Variants in RAD51B observed in about 807,000 individuals in gnomAD.
RAD51B encodes the protein RAD51 paralog B.
Under a neutral mutation model 42.2 loss-of-function variants are expected in RAD51B, and 38 were observed. The observed-to-expected ratio is 0.90, with a 90% confidence interval of 0.70 to 1.18. The LOEUF (loss-of-function observed/expected upper bound fraction) is 1.18. Among genes scored for constraint, RAD51B ranks in the 50% most tolerant of loss-of-function variants. RAD51B has a pLI of 0.00. For missense variants in RAD51B, 373 were observed against 400.7 expected, an observed-to-expected ratio of 0.93 and a Z score of 0.59; for synonymous variants, 154 against 145.2, an observed-to-expected ratio of 1.06 and a Z score of -0.43.
chr14:68,616,926 A>G (rs1891837497), intron 10 of RAD51B, among the ~76,000 whole-genome samples: 1 of 151,532 alleles, frequency 6.6e-6, no homozygotes. Context: ...TGTCTTTTCC[A>G]CCACAAGAAG....
At chr14:68,221,084 C>G (rs181392540) in intron 7 of RAD51B, among the ~76,000 whole-genome samples, 1 of 152,096 alleles carries the variant, frequency 6.6e-6, no homozygotes, top group Non-Finnish European at 1.5e-5. Flanking sequence ...GCAGAGATCA[C>G]GCCACTGCAC....
intron 8 of RAD51B, among the ~76,000 whole-genome samples, chr14:68,355,593 T>C (rs546541658): frequency 2.0e-5 from 3 of 152,178 alleles, no homozygotes. Context: ...CAGCTGGAGA[T>C]TGGTTCAGTG....
At chr14:68,628,180 G>A (rs1006281434) in intron 10 of RAD51B, among the ~76,000 whole-genome samples, 1 of 152,230 alleles carries the variant, frequency 6.6e-6, no homozygotes, top group African/African-American at 2.4e-5. Flanking sequence ...GAAAATTTGG[G>A]TTCTCAAGTG....
intron 5 of RAD51B, among the ~76,000 whole-genome samples, chr14:67,872,471 C>A (rs1279183170): frequency 6.7e-6 from 1 of 148,226 alleles, no homozygotes; most frequent in Non-Finnish European, 1.5e-5. Context: ...ATTCCATGCT[C>A]ACGGGTAGGA....
intron 7 of RAD51B, among the ~76,000 whole-genome samples, chr14:68,215,189 G>A (rs2079788466): frequency 6.6e-6 from 1 of 152,140 alleles, no homozygotes; most frequent in Non-Finnish European, 1.5e-5. Flanking sequence ...TCTCAATAGG[G>A]AATGAGAAGA....
intron 3 of RAD51B, among the ~76,000 whole-genome samples, chr14:67,833,379 CA>C (rs1199118769): frequency 1.3e-5 from 2 of 150,918 alleles, no homozygotes; most frequent in African/African-American, 4.9e-5. Flanking sequence ...CTGTCTTGAA[CA>C]AAAAAAAGGA....
intron 10 of RAD51B, among the ~76,000 whole-genome samples, chr14:68,594,018 G>T (rs980551474): frequency 6.6e-6 from 1 of 152,192 alleles, no homozygotes; most frequent in Non-Finnish European, 1.5e-5. Flanking sequence ...GTGTATGTGG[G>T]CCTGTCAGGC....
intron 9 of RAD51B, chr14:68,422,227 G>A: frequency 1.1e-6 from 1 of 929,466 alleles, no homozygotes; most frequent in Admixed American, 1.7e-5. Context: ...CCTCAGCGGT[G>A]GCGTCCGCAG....
At chr14:68,032,055 A>T (rs1275581554) in intron 7 of RAD51B, among the ~76,000 whole-genome samples, 1 of 151,192 alleles carries the variant, frequency 6.6e-6, no homozygotes, top group African/African-American at 2.5e-5. Context: ...TTTGACTCAA[A>T]TTTGTGTCTG....
chr14:67,953,837 A>G (rs1319497668), intron 7 of RAD51B, among the ~76,000 whole-genome samples: 1 of 152,086 alleles, frequency 6.6e-6, no homozygotes, highest in African/African-American at 2.4e-5. Flanking sequence ...TGATTTGGGA[A>G]ATTAAGAAGA....
intron 10 of RAD51B, among the ~76,000 whole-genome samples, chr14:68,630,065 T>A (rs1452303721): frequency 6.6e-6 from 1 of 152,248 alleles, no homozygotes; most frequent in Non-Finnish European, 1.5e-5. Flanking sequence ...GGGAGGATTC[T>A]GACTCCACAG....
At chr14:68,562,779 G>T in intron 10 of RAD51B, 4 of 985,384 alleles carry the variant, frequency 4.1e-6, no homozygotes, top group Non-Finnish European at 4.8e-6. Flanking sequence ...TGCCATGCTA[G>T]ATACCCATCC....
intron 7 of RAD51B, among the ~76,000 whole-genome samples, chr14:68,083,676 A>C (rs1224587236): frequency 6.6e-6 from 1 of 152,162 alleles, no homozygotes; most frequent in African/African-American, 2.4e-5. Context: ...AAAATGGAGA[A>C]TATTTCATAT....
At chr14:68,615,313 C>A (rs1175717818), downstream of RAD51B, among the ~76,000 whole-genome samples, 1 of 152,086 alleles carries the variant, frequency 6.6e-6, no homozygotes, top group Non-Finnish European at 1.5e-5. Context: ...TTAGCAGGTA[C>A]AGAAACATTT....
chr14:67,960,803 G>A (rs973425152), intron 7 of RAD51B, among the ~76,000 whole-genome samples: 9 of 151,980 alleles, frequency 5.9e-5, no homozygotes, highest in African/African-American at 2.2e-4. Context: ...CAAGTAGCTG[G>A]AACAACAGGC....
rs965821237 is a variant in RAD51B at position 67,835,158 on chromosome 14, G to T, written c.277G>T (p.Ala93Ser). The stretch of plus-strand genomic sequence containing the variant: ...TACTACCCTTTCTGCTTTGGACGAA[G>T]CCCTGCATGGTGGTGTGGCTTGTGG... ...LSTTLSALDE[A>S]LHGGVACGSL... The change falls in exon 4 of 11, where the codon GCC (alanine) becomes TCC (serine). Residue 93 changes from alanine (A) to serine (S), a missense_variant. Ala to Ser is a moderately conservative substitution (Grantham distance 99). Coordinates refer to ENST00000471583, the MANE Select transcript of RAD51B (RefSeq NM_133510.4). The T allele has an allele frequency of 4.3e-6, 7 of 1,613,914 alleles. No homozygotes were observed. Among genetic ancestry groups the T allele is most frequent in the African/African-American group, 4.0e-5 (3 of 74,894 alleles).
intron 9 of RAD51B, among the ~76,000 whole-genome samples, chr14:68,467,951 T>G (rs1295405311): frequency 6.6e-6 from 1 of 152,164 alleles, no homozygotes; most frequent in African/African-American, 2.4e-5. Context: ...TGGCATTTGA[T>G]GACAGAATAG....
chr14:67,908,330 G>C (rs2043848287), intron 7 of RAD51B: 2 of 152,300 alleles, frequency 1.3e-5, no homozygotes, highest in South Asian at 4.2e-4. Flanking sequence ...GGTGGCTAGG[G>C]CTGACCTTAA....
At chr14:68,152,351 C>G (rs1192070238) in intron 7 of RAD51B, among the ~76,000 whole-genome samples, 1 of 151,994 alleles carries the variant, frequency 6.6e-6, no homozygotes. Flanking sequence ...ACATATAAAC[C>G]CAAGATTTTG....
Sources: allele counts gnomAD v4.1 joint callset (sites outside exome capture counted in the v4.1 genomes callset), GRCh38; gene constraint gnomAD v4.1.1; transcripts MANE v1.5; gene names NCBI Gene and HGNC (gene_info 2026-07-23, HGNC 2026-07-21).